The following PAPSS2 variants were observed in gnomAD, a reference collection of about 807,000 sequenced individuals.
PAPSS2 encodes bifunctional 3'-phosphoadenosine 5'-phosphosulfate synthase 2.
PAPSS2 carries 61 observed loss-of-function variants against 66.5 expected under a neutral mutation model. The ratio of observed to expected loss-of-function variants is 0.92; its 90% CI spans 0.75 to 1.14. The LOEUF (loss-of-function observed/expected upper bound fraction) is 1.14, where lower values mean the gene tolerates loss of function less well. PAPSS2 is among the 50% of genes most tolerant of loss of function. The pLI is 0.00. For missense variants in PAPSS2, 708 were observed against 789.6 expected, an observed-to-expected ratio of 0.90 and a Z score of 1.24; for synonymous variants, 289 against 287.5, an observed-to-expected ratio of 1.01 and a Z score of -0.05.
intron 1 of PAPSS2, chr10:87,703,821 T>C: frequency 1.9e-6 from 1 of 518,388 alleles, no homozygotes; most frequent in South Asian, 1.4e-5. Context: ...GCCACTAACT[T>C]TGGGGTTTCT....
At chr10:87,705,438 A>G (rs1853370691) in intron 1 of PAPSS2, among the ~76,000 whole-genome samples, 1 of 152,224 alleles carries the variant, frequency 6.6e-6, no homozygotes, top group Non-Finnish European at 1.5e-5. Context: ...TTTCTCTTGA[A>G]TAGATATCTA....
chr10:87,661,317 C>T (rs1589415082), intron 1 of PAPSS2, among the ~76,000 whole-genome samples: 1 of 152,080 alleles, frequency 6.6e-6, no homozygotes, highest in East Asian at 1.9e-4. Context: ...TGGGAAGGGA[C>T]ATTTATCAAA....
At chr10:87,692,544 A>G (rs142482252) in intron 1 of PAPSS2, among the ~76,000 whole-genome samples, 1 of 152,308 alleles carries the variant, frequency 6.6e-6, no homozygotes, top group East Asian at 1.9e-4. Flanking sequence ...CTGAAGAGAG[A>G]GTTTTCCAGA....
intron 12 of PAPSS2, 45 bp from the exon 13 acceptor site, chr10:87,745,787 A>G (rs1853929667): frequency 6.2e-7 from 1 of 1,607,536 alleles, no homozygotes; most frequent in Non-Finnish European, 8.5e-7. Context: ...CTTAAGGCAG[A>G]TATCATTTAC....
Position 87,659,935 on chromosome 10 carries a change from C to A in PAPSS2, c.-47C>A, listed in dbSNP as rs757497627. The A allele has an allele frequency of 1.2e-6, 2 of 1,607,232 alleles. No homozygotes were observed. Among genetic ancestry groups the A allele is most frequent in the Non-Finnish European group, 8.5e-7 (1 of 1,176,378 alleles). On this transcript the variant is annotated 5_prime_UTR_variant, in exon 1 of 13. Transcript: ENST00000456849. ...CCGCCGCCGCCGCCGTCCCTGCGTC[C>A]TTCGGTCTCTGCTCCCGGGACCCGG...
At chr10:87,687,355 T>G (rs759016577) in intron 1 of PAPSS2, among the ~76,000 whole-genome samples, 9 of 152,260 alleles carry the variant, frequency 5.9e-5, no homozygotes, top group Non-Finnish European at 8.8e-5. Flanking sequence ...AAAAAGTTAT[T>G]GTGGCTAATA....
At chr10:87,719,946 C>T (rs927372986) in intron 7 of PAPSS2, among the ~76,000 whole-genome samples, 5 of 152,004 alleles carry the variant, frequency 3.3e-5, no homozygotes, top group Admixed American at 6.6e-5. Flanking sequence ...AGTGCAGTGG[C>T]GCGATCTCTG....
intron 1 of PAPSS2, among the ~76,000 whole-genome samples, chr10:87,696,645 C>A (rs1036816603): frequency 3.9e-5 from 6 of 152,086 alleles, no homozygotes; most frequent in Non-Finnish European, 7.4e-5. Context: ...GAAAGGATTT[C>A]TCATATAACT....
At chr10:87,674,191 G>C (rs778654296) in intron 1 of PAPSS2, among the ~76,000 whole-genome samples, 12 of 152,198 alleles carry the variant, frequency 7.9e-5, no homozygotes, top group Non-Finnish European at 1.6e-4. Flanking sequence ...TTGAGATGAA[G>C]TCTTGCTCTG....
intron 1 of PAPSS2, among the ~76,000 whole-genome samples, chr10:87,669,194 T>C (rs572006882): frequency 2.6e-5 from 4 of 152,294 alleles, no homozygotes; most frequent in African/African-American, 9.6e-5. Context: ...AATTGTTTTA[T>C]TAAAAAAAGG....
intron 9 of PAPSS2, among the ~76,000 whole-genome samples, chr10:87,734,326 A>G (rs1295709088): frequency 3.9e-5 from 6 of 152,070 alleles, no homozygotes; most frequent in Non-Finnish European, 5.9e-5. Flanking sequence ...ACTGACTCCT[A>G]TGACACATGA....
intron 1 of PAPSS2, among the ~76,000 whole-genome samples, chr10:87,668,001 G>A (rs547966560): frequency 6.6e-6 from 1 of 152,234 alleles, no homozygotes; most frequent in South Asian, 2.1e-4. Context: ...TGTTGGGTGT[G>A]TGCTTTTAAA....
At chr10:87,700,466 A>C (rs1853288910) in intron 1 of PAPSS2, among the ~76,000 whole-genome samples, 1 of 152,176 alleles carries the variant, frequency 6.6e-6, no homozygotes, top group Non-Finnish European at 1.5e-5. Context: ...AGACCAGCCC[A>C]GGTAATGTGG....
intron 1 of PAPSS2, among the ~76,000 whole-genome samples, chr10:87,699,812 T>TAAA (rs11378998): frequency 0.012 from 1,603 of 135,638 alleles, 37 homozygotes; most frequent in African/African-American, 0.04. Context: ...ATCATGCCAC[T>TAAA]AAAAAAAAAA....
intron 9 of PAPSS2, 98 bp from the exon 10 acceptor site, chr10:87,741,137 T>G (rs897313498): frequency 3.1e-6 from 4 of 1,285,680 alleles, no homozygotes; most frequent in Non-Finnish European, 4.5e-6. Context: ...AAGGCAGTTC[T>G]TTAACTGTAA....
At chr10:87,677,165 G>T (rs1428199469) in intron 1 of PAPSS2, among the ~76,000 whole-genome samples, 4 of 152,138 alleles carry the variant, frequency 2.6e-5, no homozygotes, top group Non-Finnish European at 5.9e-5. Context: ...CTACACTCCA[G>T]CCTGGGCAAC....
chr10:87,664,085 T>TTTG (rs985350078), intron 1 of PAPSS2, among the ~76,000 whole-genome samples: 1 of 152,020 alleles, frequency 6.6e-6, no homozygotes, highest in Non-Finnish European at 1.5e-5. Context: ...TTTTAAAGTT[T>TTTG]TTGTTGTTGT....
At chr10:87,713,643 A>G (rs1440258412) in intron 3 of PAPSS2, among the ~76,000 whole-genome samples, 1 of 152,232 alleles carries the variant, frequency 6.6e-6, no homozygotes, top group Non-Finnish European at 1.5e-5. Flanking sequence ...GTTGTCGGAA[A>G]AAGGATCTAG....
At chr10:87,666,610 A>G (rs1852818842) in intron 1 of PAPSS2, among the ~76,000 whole-genome samples, 2 of 151,350 alleles carry the variant, frequency 1.3e-5, no homozygotes, top group South Asian at 4.2e-4. Context: ...GTCCTGTCCA[A>G]TCCTTAGTGT....
Sources: allele counts gnomAD v4.1 joint callset (sites outside exome capture counted in the v4.1 genomes callset), GRCh38; gene constraint gnomAD v4.1.1; transcripts MANE v1.5; gene names NCBI Gene and HGNC (gene_info 2026-07-23, HGNC 2026-07-21).